NHLRC2: variants seen among roughly 807,000 people sequenced by gnomAD.
NHLRC2 encodes NHL repeat containing 2.
A neutral mutation model predicts 68.1 loss-of-function variants in NHLRC2; 33 were observed. The observed-to-expected ratio is 0.48, with a 90% CI of 0.37 to 0.65. NHLRC2 has a LOEUF of 0.65. Among genes scored for constraint, NHLRC2 ranks in the 30% least tolerant of loss-of-function variants. The pLI is 0.00. For synonymous variants in NHLRC2, 311 were observed against 309.6 expected (o/e 1.00, Z -0.05); for missense variants, 761 against 853.8 (o/e 0.89, Z 1.35).
chr10:113,859,572 T>C (rs887211897), intron 2 of NHLRC2, among the ~76,000 whole-genome samples: 1 of 152,208 alleles, frequency 6.6e-6, no homozygotes, highest in Admixed American at 6.5e-5. Flanking sequence ...ATGTTAAAAT[T>C]ACCAGTCAAA....
At chr10:113,870,212 CA>C (rs1845909331) in intron 2 of NHLRC2, among the ~76,000 whole-genome samples, 1 of 152,096 alleles carries the variant, frequency 6.6e-6, no homozygotes, top group Admixed American at 6.6e-5. Context: ...ATTTGTATTT[CA>C]TTTTAAGTCC....
intron 4 of NHLRC2, among the ~76,000 whole-genome samples, chr10:113,880,288 CT>C (rs1846024622): frequency 1.3e-5 from 2 of 151,446 alleles, no homozygotes; most frequent in Admixed American, 6.6e-5. Context: ...ATTAAAAAGC[CT>C]TTTTGTAGAG....
chr10:113,855,477 T>G (rs895276881), intron 1 of NHLRC2, among the ~76,000 whole-genome samples: 7 of 146,170 alleles, frequency 4.8e-5, no homozygotes, highest in East Asian at 3.9e-4. Flanking sequence ...TTTTTTTTTG[T>G]TTTTTTTTGA....
At chr10:113,903,205 G>A (rs1846243120) in intron 8 of NHLRC2, among the ~76,000 whole-genome samples, 1 of 152,048 alleles carries the variant, frequency 6.6e-6, no homozygotes, top group African/African-American at 2.4e-5. Context: ...GTGAAAGTGT[G>A]TCCCATTGTG....
At chr10:113,869,880 CT>C (rs889027323) in intron 2 of NHLRC2, among the ~76,000 whole-genome samples, 1 of 152,144 alleles carries the variant, frequency 6.6e-6, no homozygotes, top group African/African-American at 2.4e-5. Context: ...TTCAGGCTGT[CT>C]TCTGTGATCT....
intron 2 of NHLRC2, among the ~76,000 whole-genome samples, chr10:113,865,616 T>C (rs999394337): frequency 2.0e-5 from 3 of 150,664 alleles, no homozygotes; most frequent in African/African-American, 7.3e-5. Flanking sequence ...TTTTTTTTAG[T>C]TTAAGTTCTG....
intron 3 of NHLRC2, among the ~76,000 whole-genome samples, chr10:113,879,117 G>T (rs1846013296): frequency 6.6e-6 from 1 of 152,146 alleles, no homozygotes; most frequent in East Asian, 1.9e-4. Flanking sequence ...TTCTTAATCT[G>T]GGGTCCTTGG....
intron 9 of NHLRC2, 80 bp from the exon 10 acceptor site, chr10:113,904,737 C>T: frequency 9.6e-7 from 1 of 1,037,420 alleles, no homozygotes; most frequent in Non-Finnish European, 1.5e-6. Context: ...CATTATTCTA[C>T]TAAAGTCTAA....
intron 10 of NHLRC2, among the ~76,000 whole-genome samples, chr10:113,906,235 T>A (rs770696601): frequency 2.0e-5 from 3 of 152,216 alleles, no homozygotes; most frequent in Non-Finnish European, 4.4e-5. Context: ...GTCTGCATTG[T>A]CAGACACACT....
intron 2 of NHLRC2, among the ~76,000 whole-genome samples, chr10:113,870,049 C>G (rs1164394018): frequency 6.6e-6 from 1 of 152,178 alleles, no homozygotes; most frequent in Non-Finnish European, 1.5e-5. Context: ...AAACCAAGGT[C>G]TGGGAACTAG....
chr10:113,858,708 A>G, intron 2 of NHLRC2, 28 bp downstream of exon 2: 1 of 1,572,018 alleles, frequency 6.4e-7, no homozygotes. Flanking sequence ...AGTTTCTAAC[A>G]GACTGTCCTG....
chr10:113,882,646 T>G (rs1191677946), intron 4 of NHLRC2, among the ~76,000 whole-genome samples: 1 of 151,802 alleles, frequency 6.6e-6, no homozygotes, highest in African/African-American at 2.4e-5. Flanking sequence ...TCTGCTTGCC[T>G]TTATACTTAG....
rs1022665163 is a variant in NHLRC2, at chr10:113,855,068, G to C, written c.178+18G>C. ...TCCGGAAGGTGAGGGGCTGGCGTCGGGGTGGGGGCCCCTCCCGGCACCTCC... is the reference window on the plus strand; with the variant it reads ...TCCGGAAGGTGAGGGGCTGGCGTCGCGGTGGGGGCCCCTCCCGGCACCTCC... On this transcript the variant is annotated intron_variant, in intron 1 of 10. Transcript: ENST00000369301. 1 of 1,548,688 alleles carries C rather than the reference G, an allele frequency of 6.5e-7. No individual in the cohort carries two copies. Among genetic ancestry groups the C allele is most frequent in the Admixed American group, 2.0e-5 (1 of 50,988 alleles).
intron 6 of NHLRC2, 105 bp downstream of exon 6, chr10:113,898,314 T>C (rs936441985): frequency 1.8e-4 from 118 of 673,536 alleles, no homozygotes; most frequent in Non-Finnish European, 2.9e-5. Context: ...ATGTGCTAGG[T>C]TGTACTGCCA....
At chr10:113,875,460 G>A (rs1845970025) in intron 2 of NHLRC2, among the ~76,000 whole-genome samples, 1 of 152,048 alleles carries the variant, frequency 6.6e-6, no homozygotes, top group Non-Finnish European at 1.5e-5. Context: ...TGGTTTCTTG[G>A]GCTAGAGTTG....
rs1243920266 is a variant in NHLRC2, at chr10:113,876,984, T to G, written c.787+8T>G. 2.0e-6 allele frequency: 3 copies of G among 1,509,776 alleles called. No individual in the cohort carries two copies. In the Admixed American group the frequency reaches 6.1e-5, roughly 31 times the overall value. 93.5% of individuals were successfully genotyped at this position (1,509,776 alleles called of 1,614,324 possible). ...TTCAATATAGCATTGGAGGTAAAAC[T>G]TGCTTCTGATTACGATAGATAACGT... On this transcript the variant is annotated splice_region_variant and intron_variant, in intron 3 of 10. Coordinates refer to ENST00000369301, the MANE Select transcript of NHLRC2 (RefSeq NM_198514.4).
chr10:113,887,629 C>T (rs1045722284), intron 5 of NHLRC2, among the ~76,000 whole-genome samples: 2 of 151,940 alleles, frequency 1.3e-5, no homozygotes, highest in African/African-American at 2.4e-5. Flanking sequence ...ATTAGCTGGG[C>T]GTGATAGTAG....
At chr10:113,895,886 A>C (rs1421864573) in intron 5 of NHLRC2, among the ~76,000 whole-genome samples, 1 of 152,210 alleles carries the variant, frequency 6.6e-6, no homozygotes, top group Non-Finnish European at 1.5e-5. Flanking sequence ...AAATGGGAGA[A>C]CTGGGTAGAG....
In NHLRC2 at chr10:113,863,381, G is replaced by A. The variant is rs538928479; in HGVS notation, c.331+4701G>A. Among the ~76,000 whole-genome samples the A allele has an allele frequency of 2.7e-3, 409 of 152,052 alleles. 1 individual carries two copies. Among genetic ancestry groups the A allele is most frequent in the African/African-American group, 9.6e-3 (397 of 41,456 alleles). On this transcript the variant is annotated intron_variant, in intron 2 of 10. Transcript: ENST00000369301. ...CTTAAATAACCAGTGGACCAAAGAA[G>A]AAAACACATAGGTAATTATTAGAAA...
Sources: allele counts gnomAD v4.1 joint callset (sites outside exome capture counted in the v4.1 genomes callset), GRCh38; gene constraint gnomAD v4.1.1; transcripts MANE v1.5; gene names NCBI Gene and HGNC (gene_info 2026-07-23, HGNC 2026-07-21).